PPFIA2: variants seen among roughly 807,000 people sequenced by gnomAD.
PPFIA2 encodes liprin-alpha-2.
In PPFIA2, 46 loss-of-function variants were observed where a neutral mutation model predicts 175.5. That is an observed-to-expected ratio of 0.26 (90% CI 0.21 to 0.34). PPFIA2 has a LOEUF of 0.34. Ranked by LOEUF, PPFIA2 falls within the 10% of genes least tolerant of loss-of-function variation. The pLI is 1.00. For synonymous variants in PPFIA2, 568 were observed against 511.4 expected (o/e 1.11, Z -1.49); for missense variants, 1,179 against 1,506.1 (o/e 0.78, Z 3.60).
chr12:81,495,890 A>C lies in PPFIA2; in HGVS notation c.304-38024T>G, dbSNP rs2059974433. On this transcript the variant is annotated intron_variant, in intron 4 of 32. Coordinates refer to ENST00000549396, the MANE Select transcript of PPFIA2 (RefSeq NM_003625.5). ...TGTTCTTTTGTGTTTGAATTCTCAT[A>C]AATTATTATTAATTGAAAATGTTAA... 2.6e-5 allele frequency among the ~76,000 whole-genome samples: 4 copies of C among 152,200 alleles called. No individual in the cohort carries two copies. The East Asian group carries it at 7.7e-4, about 29-fold the overall frequency.
At chr12:81,283,974 G>A (rs2042682081) in intron 25 of PPFIA2, among the ~76,000 whole-genome samples, 1 of 152,026 alleles carries the variant, frequency 6.6e-6, no homozygotes, top group African/African-American at 2.4e-5. Context: ...AACTTCCAAT[G>A]TTGCAACATG....
chr12:81,617,664 T>A (rs1354482554), intron 4 of PPFIA2, among the ~76,000 whole-genome samples: 1 of 152,206 alleles, frequency 6.6e-6, no homozygotes, highest in Non-Finnish European at 1.5e-5. Flanking sequence ...CCTCTCTCTG[T>A]CCTCACTTTA....
At chr12:81,307,669 A>C (rs975700971) in intron 22 of PPFIA2, among the ~76,000 whole-genome samples, 6 of 152,006 alleles carry the variant, frequency 3.9e-5, no homozygotes, top group African/African-American at 1.4e-4. Context: ...GTCCCTTCCA[A>C]CCTCCACTGA....
chr12:81,528,398 G>A (rs575345208), intron 4 of PPFIA2, among the ~76,000 whole-genome samples: 2 of 152,084 alleles, frequency 1.3e-5, no homozygotes, highest in South Asian at 2.1e-4. Flanking sequence ...GAAAATATCC[G>A]TACGCACTTT....
At chr12:81,284,156 G>T (rs1176347391) in intron 25 of PPFIA2, 85 bp downstream of exon 25, 2 of 1,043,022 alleles carry the variant, frequency 1.9e-6, no homozygotes, top group African/African-American at 3.2e-5. Context: ...CTATTACTCT[G>T]GTCTATTGTA....
intron 7 of PPFIA2, among the ~76,000 whole-genome samples, chr12:81,431,827 G>A (rs777619884): frequency 3.9e-5 from 6 of 152,054 alleles, no homozygotes; most frequent in Non-Finnish European, 8.8e-5. Flanking sequence ...GCTCACTGCT[G>A]TCTGCAGGAC....
intron 21 of PPFIA2, among the ~76,000 whole-genome samples, chr12:81,331,646 T>G (rs2056150713): frequency 6.6e-6 from 1 of 152,200 alleles, no homozygotes; most frequent in African/African-American, 2.4e-5. Flanking sequence ...TAAAGGAAAC[T>G]TGCTAAAGTG....
chr12:81,392,883 T>G (rs940538045), intron 8 of PPFIA2, among the ~76,000 whole-genome samples: 1 of 151,986 alleles, frequency 6.6e-6, no homozygotes, highest in East Asian at 1.9e-4. Context: ...TTCTCTCTTT[T>G]TCTCCCATCT....
intron 3 of PPFIA2, among the ~76,000 whole-genome samples, chr12:81,736,062 T>G (rs754739196): frequency 6.6e-6 from 1 of 151,906 alleles, no homozygotes; most frequent in Non-Finnish European, 1.5e-5. Flanking sequence ...TCCTTTGTCT[T>G]TCTATATAAA....
At chr12:81,743,041 T>C (rs2082522787) in intron 3 of PPFIA2, among the ~76,000 whole-genome samples, 1 of 152,058 alleles carries the variant, frequency 6.6e-6, no homozygotes, top group Admixed American at 6.6e-5. Context: ...CCACTCAGGG[T>C]GAATTCAGGC....
intron 8 of PPFIA2, 130 bp downstream of exon 8, chr12:81,405,657 T>A: frequency 3.5e-6 from 2 of 568,642 alleles, no homozygotes; most frequent in South Asian, 5.6e-5. Context: ...GAAATAACCA[T>A]AAACCTTGAA....
In PPFIA2 at chr12:81,564,739, G is replaced by T. The variant is rs564283157; in HGVS notation, c.304-106873C>A. Among the ~76,000 whole-genome samples the T allele has an allele frequency of 9.2e-5, 14 of 152,236 alleles. No homozygotes were observed. In the South Asian group the frequency reaches 2.9e-3, roughly 32 times the overall value. ...CCAAGGAACATAATGAAGCTGGTTG[G>T]TTGTTTCTAAGTTCAGTGGACAAAG... On this transcript the variant is annotated intron_variant, in intron 4 of 32. Transcript: ENST00000549396.
At chr12:81,514,678 T>C (rs1752072534) in intron 4 of PPFIA2, among the ~76,000 whole-genome samples, 1 of 151,946 alleles carries the variant, frequency 6.6e-6, no homozygotes, top group African/African-American at 2.4e-5. Flanking sequence ...AACTAAATGA[T>C]ACTTTTTTTG....
intron 5 of PPFIA2, among the ~76,000 whole-genome samples, chr12:81,454,959 C>G (rs2053318493): frequency 6.6e-6 from 1 of 152,192 alleles, no homozygotes; most frequent in Non-Finnish European, 1.5e-5. Context: ...AGCGATTATC[C>G]TATTTCAGCA....
At chr12:81,392,734 T>G (rs1595990354) in intron 8 of PPFIA2, among the ~76,000 whole-genome samples, 1 of 152,110 alleles carries the variant, frequency 6.6e-6, no homozygotes, top group East Asian at 1.9e-4. Context: ...CAAACAGACT[T>G]TCCAAACTCA....
intron 4 of PPFIA2, among the ~76,000 whole-genome samples, chr12:81,634,249 A>T (rs2063734162): frequency 6.6e-6 from 1 of 152,070 alleles, no homozygotes; most frequent in Non-Finnish European, 1.5e-5. Context: ...CTAAGGGTTT[A>T]AAAATGTGGA....
intron 4 of PPFIA2, among the ~76,000 whole-genome samples, chr12:81,670,763 T>C (rs1211371016): frequency 1.3e-5 from 2 of 151,946 alleles, no homozygotes; most frequent in African/African-American, 4.8e-5. Flanking sequence ...TGAACATAGT[T>C]TGTGAACTCT....
intron 4 of PPFIA2, among the ~76,000 whole-genome samples, chr12:81,663,876 A>G (rs1042417424): frequency 4.6e-5 from 7 of 152,344 alleles, no homozygotes; most frequent in African/African-American, 1.7e-4. Context: ...GCCCTCAGAA[A>G]TAATGCCACA....
rs201005524 is a variant in PPFIA2 at position 81,403,818 on chromosome 12, C to T, written c.762+1969G>A. 2.6e-5 allele frequency among the ~76,000 whole-genome samples: 4 copies of T among 152,238 alleles called. No homozygotes were observed. The East Asian group carries it at 7.7e-4, about 29-fold the overall frequency. On this transcript the variant is annotated intron_variant, in intron 8 of 32. Transcript: ENST00000549396. ...GGCCACCGTGCATGCAGACAGCCCA[C>T]CCCAAAGGAAGAATCAGGGCAGAAG...
Sources: gnomAD v4.1 joint callset for allele counts (sites outside exome capture counted in the v4.1 genomes callset) on GRCh38, gnomAD v4.1.1 for gene constraint, MANE v1.5 for transcripts, NCBI Gene and HGNC (gene_info 2026-07-23, HGNC 2026-07-21) for gene names.